Variants in DCAF8L2 observed in about 807,000 individuals in gnomAD.
DCAF8L2 encodes the protein DDB1- and CUL4-associated factor 8-like protein 2.
For missense variants in DCAF8L2, 430 were observed against 490.7 expected, an observed-to-expected ratio of 0.88 and a Z score of 1.17; for synonymous variants, 200 against 190.9, an observed-to-expected ratio of 1.05 and a Z score of -0.39.
chrX:27,505,033 T>C, the DCAF8L2 span, among the ~76,000 whole-genome samples: 1 of 111,848 alleles, frequency 8.9e-6, no homozygotes, highest in African/African-American at 3.2e-5. Flanking sequence ...TTATTTTCAC[T>C]GATATGAAAA....
At chrX:27,561,436 G>C in the DCAF8L2 span, among the ~76,000 whole-genome samples, 115 of 111,546 alleles carry the variant, frequency 1.0e-3, no homozygotes, top group Non-Finnish European at 2.0e-3. Context: ...CAGCTTTTTT[G>C]AGATATAATT....
chrX:27,708,726 G>A (rs1476928888), intron 3 of DCAF8L2, among the ~76,000 whole-genome samples: 2 of 111,872 alleles, frequency 1.8e-5, no homozygotes, highest in African/African-American at 3.2e-5. Context: ...AACCCCTACC[G>A]ATCTATTGAG....
At chrX:27,702,740 C>T (rs1430229203) in intron 3 of DCAF8L2, among the ~76,000 whole-genome samples, 2 of 111,382 alleles carry the variant, frequency 1.8e-5, no homozygotes, top group Non-Finnish European at 3.8e-5. Context: ...AAATCCATAA[C>T]TAACATCACA....
At chrX:27,594,866 T>A (rs772831316) in intron 1 of DCAF8L2, among the ~76,000 whole-genome samples, 38 of 112,065 alleles carry the variant, frequency 3.4e-4, no homozygotes, top group Non-Finnish European at 5.8e-4. Context: ...ACTAAAATGA[T>A]GTACCATGCA....
chrX:27,634,611 C>A (rs1033478607), intron 2 of DCAF8L2, among the ~76,000 whole-genome samples: 1 of 110,635 alleles, frequency 9.0e-6, no homozygotes, highest in Admixed American at 9.7e-5. Flanking sequence ...ACTGAGCACC[C>A]TCAATCCAAA....
At chrX:27,684,000 G>A (rs1156780433) in intron 3 of DCAF8L2, among the ~76,000 whole-genome samples, 1 of 112,409 alleles carries the variant, frequency 8.9e-6, no homozygotes, top group Non-Finnish European at 1.9e-5. Context: ...TCAAAATACC[G>A]CCGCCTAGTG....
chrX:27,637,472 T>C (rs919797339), intron 2 of DCAF8L2, among the ~76,000 whole-genome samples: 6 of 112,223 alleles, frequency 5.3e-5, no homozygotes, highest in African/African-American at 1.9e-4. Context: ...CATTAGGATG[T>C]TCTTTCCACC....
At chrX:27,503,543 A>G in the DCAF8L2 span, among the ~76,000 whole-genome samples, 2 of 110,877 alleles carry the variant, frequency 1.8e-5, no homozygotes, top group Non-Finnish European at 3.8e-5. Context: ...TGTTGAAAAG[A>G]TTATCCTTCC....
upstream of DCAF8L2, among the ~76,000 whole-genome samples, chrX:27,587,985 A>AAAAAAAAAAAAAAATATATAT: frequency 4.5e-5 from 1 of 22,371 alleles, no homozygotes; most frequent in African/African-American, 9.8e-5. Context: ...TAAAAAAAAA[A>AAAAAAAAAAAAAAATATATAT]ATATATATAT....
chrX:27,703,771 TTAAAA>T (rs1931218497), intron 3 of DCAF8L2, among the ~76,000 whole-genome samples: 1 of 110,658 alleles, frequency 9.0e-6, no homozygotes, highest in African/African-American at 3.3e-5. Context: ...AATAACAGCC[TTAAAA>T]TAAAACATAG....
chrX:27,553,524 T>TTA, the DCAF8L2 span, among the ~76,000 whole-genome samples: 1 of 111,511 alleles, frequency 9.0e-6, no homozygotes, highest in Non-Finnish European at 1.9e-5. Flanking sequence ...TCTTTTTTTT[T>TTA]AAATCTTCTT....
At chrX:27,666,740 G>T (rs1349792562) in intron 2 of DCAF8L2, among the ~76,000 whole-genome samples, 1 of 112,004 alleles carries the variant, frequency 8.9e-6, no homozygotes, top group African/African-American at 3.2e-5. Context: ...TAACAGAATT[G>T]TTTTCATCAT....
the DCAF8L2 span, among the ~76,000 whole-genome samples, chrX:27,470,794 A>G: frequency 8.9e-6 from 1 of 112,152 alleles, no homozygotes; most frequent in Non-Finnish European, 1.9e-5. Context: ...CCTTTTAAGA[A>G]CAATAACTGC....
chrX:27,473,400 C>T, the DCAF8L2 span, among the ~76,000 whole-genome samples: 20 of 111,145 alleles, frequency 1.8e-4, no homozygotes, highest in South Asian at 3.7e-4. Context: ...TTCTAATATC[C>T]TTCAACTTAC....
At chrX:27,702,829 T>A (rs1931181602) in intron 3 of DCAF8L2, among the ~76,000 whole-genome samples, 1 of 111,572 alleles carries the variant, frequency 9.0e-6, no homozygotes, top group Non-Finnish European at 1.9e-5. Context: ...ACTTAAACGC[T>A]GTATTGGAAG....
At chrX:27,533,218 GAA>G in the DCAF8L2 span, among the ~76,000 whole-genome samples, 234 of 49,396 alleles carry the variant, frequency 4.7e-3, 4 homozygotes, top group African/African-American at 0.012. Context: ...AAGAAAGAAA[GAA>G]AGAAAGAAAG....
At chrX:27,522,529 T>A in the DCAF8L2 span, among the ~76,000 whole-genome samples, 2 of 111,813 alleles carry the variant, frequency 1.8e-5, no homozygotes, top group African/African-American at 6.5e-5. Context: ...TATAGGCAAA[T>A]GTTGGGCAGC....
chrX:27,608,378 G>A (rs1384806811), intron 1 of DCAF8L2, among the ~76,000 whole-genome samples: 8 of 111,326 alleles, frequency 7.2e-5, no homozygotes, highest in African/African-American at 2.0e-4. Flanking sequence ...CTTTGATGTC[G>A]TATTGTAATA....
intron 1 of DCAF8L2, among the ~76,000 whole-genome samples, chrX:27,617,514 A>G (rs184959862): frequency 1.3e-4 from 15 of 111,588 alleles, no homozygotes; most frequent in African/African-American, 4.9e-4. Context: ...TTACATAGTA[A>G]TCAACCTGGT....
Sources: gnomAD v4.1 joint callset for allele counts (sites outside exome capture counted in the v4.1 genomes callset) on GRCh38, gnomAD v4.1.1 for gene constraint, MANE v1.5 for transcripts, NCBI Gene and HGNC (gene_info 2026-07-23, HGNC 2026-07-21) for gene names.